The following COP1 variants were observed in gnomAD, a reference collection of about 807,000 sequenced individuals.
COP1 encodes E3 ubiquitin-protein ligase COP1.
COP1 carries 24 observed loss-of-function variants against 101.3 expected under a neutral mutation model. That is an observed-to-expected ratio of 0.24 (90% confidence interval 0.17 to 0.33). The LOEUF (loss-of-function observed/expected upper bound fraction) is 0.33, where lower values mean the gene tolerates loss of function less well. Ranked by LOEUF, COP1 falls within the 10% of genes least tolerant of loss-of-function variation. The pLI is 1.00. For missense variants in COP1, 663 were observed against 906.2 expected (o/e 0.73, Z 3.45); for synonymous variants, 347 against 341.9 (o/e 1.01, Z -0.17).
At chr1:176,119,580 A>G (rs1299959709) in intron 8 of COP1, among the ~76,000 whole-genome samples, 4 of 152,150 alleles carry the variant, frequency 2.6e-5, no homozygotes, top group Non-Finnish European at 4.4e-5. Flanking sequence ...TGCAGGCTAC[A>G]ATAGAAAAAT....
At position 175,968,494 on chromosome 1, in the gene COP1, A is replaced by T. The variant is rs571383076; in HGVS notation, c.2133+18449T>A. Reference sequence around the variant, plus strand: ...AGGATCGCTGCAATCTGTAGACAAAAGGCATTTTTTCATTTGTCCACATGG... The same window carrying T: ...AGGATCGCTGCAATCTGTAGACAAATGGCATTTTTTCATTTGTCCACATGG... On this transcript the variant is annotated intron_variant, in intron 18 of 19. Coordinates refer to ENST00000367669, the MANE Select transcript of COP1 (RefSeq NM_022457.7). 153 of 519,078 alleles carry T rather than the reference A, an allele frequency of 2.9e-4. 1 individual carries two copies. The highest frequency in any genetic ancestry group is 2.0e-3 in the South Asian group (146 of 71,560). The allele number at this position is 519,078 out of a possible 1,614,324, so 32.2% of individuals were successfully genotyped here.
At chr1:176,094,771 A>G (rs1306710993) in intron 9 of COP1, among the ~76,000 whole-genome samples, 4 of 152,152 alleles carry the variant, frequency 2.6e-5, no homozygotes, top group Non-Finnish European at 5.9e-5. Flanking sequence ...AAGATAATTT[A>G]TGGTCAGCCT....
At chr1:176,048,570 G>C (rs1025671801) in intron 11 of COP1, among the ~76,000 whole-genome samples, 1 of 152,146 alleles carries the variant, frequency 6.6e-6, no homozygotes, top group Admixed American at 6.6e-5. Flanking sequence ...ATAGTCTCAT[G>C]TCACTGAAGG....
chr1:175,966,280 T>TACACACAC (rs66711924), intron 18 of COP1, among the ~76,000 whole-genome samples: 2,161 of 150,222 alleles, frequency 0.014, 47 homozygotes, highest in African/African-American at 0.044. Flanking sequence ...GTGTTTGCAA[T>TACACACAC]ACACACACAC....
chr1:175,961,875 C>A (rs1651411195), intron 18 of COP1, among the ~76,000 whole-genome samples: 1 of 148,146 alleles, frequency 6.8e-6, no homozygotes, highest in East Asian at 2.0e-4. Context: ...ATATGTTAGG[C>A]AAAGGGACAC....
intron 9 of COP1, among the ~76,000 whole-genome samples, chr1:176,110,680 GACA>G (rs1295614992): frequency 2.6e-5 from 4 of 152,090 alleles, no homozygotes; most frequent in Admixed American, 2.6e-4. Context: ...AAAAAAAGAT[GACA>G]ACAACCACAA....
intron 14 of COP1, among the ~76,000 whole-genome samples, chr1:176,041,763 C>T (rs1297171767): frequency 4.6e-5 from 7 of 151,978 alleles, no homozygotes; most frequent in African/African-American, 1.2e-4. Flanking sequence ...GTCAGGAGTT[C>T]GAGACCAGCC....
chr1:176,024,481 A>G (rs2149047012), intron 15 of COP1, among the ~76,000 whole-genome samples: 1 of 152,290 alleles, frequency 6.6e-6, no homozygotes, highest in South Asian at 2.1e-4. Context: ...ACAGATAAAA[A>G]ATTACTCAAA....
intron 11 of COP1, among the ~76,000 whole-genome samples, chr1:176,049,430 T>A (rs1238718573): frequency 6.6e-6 from 1 of 152,076 alleles, no homozygotes; most frequent in Non-Finnish European, 1.5e-5. Context: ...ACCTGTAGAG[T>A]ATGTTTTTAA....
At chr1:175,954,116 A>G (rs1650306573) in intron 18 of COP1, among the ~76,000 whole-genome samples, 2 of 152,222 alleles carry the variant, frequency 1.3e-5, no homozygotes, top group African/African-American at 4.8e-5. Flanking sequence ...AAACAGAACT[A>G]AAGTAGAAAA....
chr1:176,148,297 C>T (rs1018925458), intron 6 of COP1, among the ~76,000 whole-genome samples: 5 of 151,394 alleles, frequency 3.3e-5, no homozygotes, highest in African/African-American at 4.9e-5. Flanking sequence ...GAACATAGCA[C>T]ATAACAGACA....
intron 9 of COP1, among the ~76,000 whole-genome samples, chr1:176,087,460 T>C (rs1332780010): frequency 6.6e-6 from 1 of 152,162 alleles, no homozygotes; most frequent in Non-Finnish European, 1.5e-5. Flanking sequence ...GAACACACAC[T>C]TCTCAAAAGA....
At chr1:176,048,049 G>C (rs763446279) in intron 11 of COP1, among the ~76,000 whole-genome samples, 1 of 151,868 alleles carries the variant, frequency 6.6e-6, no homozygotes, top group South Asian at 2.1e-4. Flanking sequence ...CTCCAGCCTG[G>C]GTGACACAGC....
At chr1:175,948,822 T>C (rs1464455986) in intron 18 of COP1, among the ~76,000 whole-genome samples, 1 of 152,156 alleles carries the variant, frequency 6.6e-6, no homozygotes, top group Non-Finnish European at 1.5e-5. Flanking sequence ...GAATTGTTGA[T>C]CTTTTCCTAG....
intron 14 of COP1, among the ~76,000 whole-genome samples, chr1:176,040,603 C>T (rs1027470512): frequency 2.6e-5 from 4 of 152,138 alleles, no homozygotes; most frequent in African/African-American, 9.7e-5. Context: ...AGTCACCATG[C>T]CTGGCTGACG....
At chr1:176,005,901 C>A (rs927260804) in intron 15 of COP1, among the ~76,000 whole-genome samples, 3 of 151,972 alleles carry the variant, frequency 2.0e-5, no homozygotes, top group African/African-American at 7.3e-5. Context: ...TCCTGGGTAT[C>A]CTTGTTGACT....
At chr1:176,070,714 C>T (rs950332933) in intron 11 of COP1, among the ~76,000 whole-genome samples, 2 of 152,056 alleles carry the variant, frequency 1.3e-5, no homozygotes, top group Non-Finnish European at 2.9e-5. Context: ...TGTAGTAGTG[C>T]CATCATAGCT....
intron 15 of COP1, among the ~76,000 whole-genome samples, chr1:176,014,638 T>C (rs1015407959): frequency 1.3e-5 from 2 of 152,182 alleles, no homozygotes; most frequent in Admixed American, 6.5e-5. Context: ...ACCTTACTTA[T>C]CACTCTCTGA....
At chr1:176,148,523 C>T (rs2149819196) in intron 6 of COP1, among the ~76,000 whole-genome samples, 1 of 152,146 alleles carries the variant, frequency 6.6e-6, no homozygotes, top group South Asian at 2.1e-4. Context: ...TAAATTAGAA[C>T]ATGCTCGCTA....
Sources: allele counts gnomAD v4.1 joint callset (sites outside exome capture counted in the v4.1 genomes callset), GRCh38; gene constraint gnomAD v4.1.1; transcripts MANE v1.5; gene names NCBI Gene and HGNC (gene_info 2026-07-23, HGNC 2026-07-21).